The following SPECC1L variants were observed in gnomAD, a reference collection of about 807,000 sequenced individuals.
The protein encoded by SPECC1L is cytospin-A.
A neutral mutation model predicts 116.8 loss-of-function variants in SPECC1L; 40 were observed. The ratio of observed to expected loss-of-function variants is 0.34; its 90% CI spans 0.27 to 0.45. The LOEUF is 0.45. SPECC1L is among the 20% of genes least tolerant of loss of function. SPECC1L has a pLI of 1.00. For synonymous variants in SPECC1L, 504 were observed against 500.6 expected (o/e 1.01, Z -0.09); for missense variants, 1,110 against 1,373.6 (o/e 0.81, Z 3.03).
At position 24,416,518 on chromosome 22, in the gene SPECC1L, T is replaced by G. The variant is rs2042804229; in HGVS notation, c.*1895T>G. ...TACTGTTTTTAAGTGTCTCTCCACT[T>G]AGGTGTCCTCAGTTCCCACTTTTGC... On this transcript the variant is annotated 3_prime_UTR_variant, in exon 17 of 17. Coordinates refer to ENST00000314328, the MANE Select transcript of SPECC1L (RefSeq NM_015330.6). 6.6e-6 allele frequency: 1 copy of G among 152,300 alleles called. No homozygotes were observed. Among genetic ancestry groups the G allele is most frequent in the Non-Finnish European group, 1.5e-5 (1 of 68,062 alleles). The allele number at this position is 152,300 out of a possible 1,614,324, so 9.4% of individuals were successfully genotyped here.
At chr22:24,397,161 T>A (rs1220160395) in intron 14 of SPECC1L, among the ~76,000 whole-genome samples, 1 of 152,152 alleles carries the variant, frequency 6.6e-6, no homozygotes, top group African/African-American at 2.4e-5. Context: ...CTTTTTTAGT[T>A]GTTTTGCCAT....
intron 2 of SPECC1L, among the ~76,000 whole-genome samples, chr22:24,295,606 A>G (rs1268986845): frequency 1.3e-5 from 2 of 152,134 alleles, no homozygotes; most frequent in African/African-American, 4.8e-5. Context: ...GAAAGGTTTT[A>G]TGTTAAATAA....
Position 24,322,475 on chromosome 22 carries a change from G to C in SPECC1L, c.1495G>C (p.Ala499Pro). The change falls in exon 5 of 17, where the codon GCT becomes CCT. Residue 499 changes from alanine to proline, a missense_variant. Ala to Pro is a conservative substitution (Grantham distance 27, BLOSUM62 -1). Around this residue, in one of 4 missense-constraint regions of SPECC1L, gnomAD observed 575 missense variants for 682.4 expected, o/e 0.84. Coordinates refer to ENST00000314328, the MANE Select transcript of SPECC1L (RefSeq NM_015330.6). ...ATTAGAGCAACGTTACATGGACCTC[G>C]CTGAGAATGCCCGTTTTGAACGGGA... ...MELEQRYMDLAENARFEREQL... is the reference protein window; with the variant it reads ...MELEQRYMDLPENARFEREQL... 1 of 1,614,130 alleles carries C rather than the reference G, an allele frequency of 6.2e-7. No individual in the cohort carries two copies.
At position 24,300,442 on chromosome 22, in the gene SPECC1L, C is replaced by T. The variant is rs1398750622; in HGVS notation, c.-37-1753C>T. The stretch of plus-strand genomic sequence containing the variant: ...GTAAACAGTGCTGCAATAAACATAC[C>T]GTGTGCTTGTATCTTTATAGTGGAA... On this transcript the variant is annotated intron_variant, in intron 2 of 16. Transcript: ENST00000314328. Among the ~76,000 whole-genome samples the T allele has an allele frequency of 7.9e-5, 12 of 152,180 alleles. No individual in the cohort carries two copies. The East Asian group carries it at 1.3e-3, about 17-fold the overall frequency.
At chr22:24,315,614 G>T (rs114572093) in intron 4 of SPECC1L, among the ~76,000 whole-genome samples, 2,188 of 152,316 alleles carry the variant, frequency 0.014, 61 homozygotes, top group African/African-American at 0.05. Context: ...GAGATTCCAT[G>T]TGTTTGTATA....
chr22:24,307,106 T>C (rs1194434715), intron 3 of SPECC1L, among the ~76,000 whole-genome samples: 1 of 152,210 alleles, frequency 6.6e-6, no homozygotes, highest in African/African-American at 2.4e-5. Flanking sequence ...AGTGCTGCTA[T>C]GAATATGGGT....
chr22:24,283,240 G>A (rs1255570453), intron 2 of SPECC1L, among the ~76,000 whole-genome samples: 12 of 151,784 alleles, frequency 7.9e-5, no homozygotes, highest in Non-Finnish European at 5.9e-5. Context: ...CACCATGCCC[G>A]GCTAATTTTT....
chr22:24,349,293 T>C (rs149358973), intron 11 of SPECC1L, among the ~76,000 whole-genome samples: 22,175 of 152,112 alleles, frequency 0.15, 3,986 homozygotes, highest in African/African-American at 0.42. Context: ...CTGCCAGCCT[T>C]GGCCTCCCAA....
chr22:24,316,274 T>TA (rs2040561556), intron 4 of SPECC1L, among the ~76,000 whole-genome samples: 2 of 149,228 alleles, frequency 1.3e-5, no homozygotes, highest in African/African-American at 2.5e-5. Context: ...CAGATTTTCT[T>TA]TTTATTTATT....
chr22:24,282,267 A>C (rs2048958551), intron 2 of SPECC1L, among the ~76,000 whole-genome samples: 1 of 152,202 alleles, frequency 6.6e-6, no homozygotes, highest in Non-Finnish European at 1.5e-5. Context: ...CCTAAACCAT[A>C]ATTTCTAATC....
chr22:24,360,430 AAAGT>A (rs979413845), intron 11 of SPECC1L, among the ~76,000 whole-genome samples: 6 of 152,198 alleles, frequency 3.9e-5, no homozygotes, highest in African/African-American at 1.2e-4. Flanking sequence ...GTATTTTCAG[AAAGT>A]AAGTGTGAGG....
Position 24,322,291 on chromosome 22 carries a change from G to T in SPECC1L, c.1311G>T (p.Arg437Ser), listed in dbSNP as rs2146480082. 1 of 1,614,244 alleles carries T rather than the reference G, an allele frequency of 6.2e-7. No homozygotes were observed. Among genetic ancestry groups the T allele is most frequent in the Non-Finnish European group, 8.5e-7 (1 of 1,180,040 alleles). Residue 437 changes from arginine (R) to serine (S), a missense_variant, in exon 5 of 17, where the codon AGG (arginine) becomes AGT (serine). Physicochemically the swap from Arg to Ser is moderately radical, Grantham distance 110. Coordinates refer to ENST00000314328, the MANE Select transcript of SPECC1L (RefSeq NM_015330.6). ...ITQELNSENE[R>S]LGEEKVILME... Reference sequence around the variant, plus strand: ...AGGAACTGAATAGTGAAAACGAAAGGCTTGGAGAAGAGAAGGTTATTCTGA... The same window carrying T: ...AGGAACTGAATAGTGAAAACGAAAGTCTTGGAGAAGAGAAGGTTATTCTGA...
chr22:24,332,053 C>G (rs942753507), intron 8 of SPECC1L, among the ~76,000 whole-genome samples: 4 of 152,120 alleles, frequency 2.6e-5, no homozygotes, highest in Non-Finnish European at 5.9e-5. Flanking sequence ...TTTCTTTTTT[C>G]ATGGAATGCC....
intron 2 of SPECC1L, among the ~76,000 whole-genome samples, chr22:24,295,907 C>T (rs1233053561): frequency 6.6e-6 from 1 of 152,094 alleles, no homozygotes; most frequent in Non-Finnish European, 1.5e-5. Context: ...AAGGTCGTGC[C>T]GTCGCACTCC....
intron 3 of SPECC1L, among the ~76,000 whole-genome samples, chr22:24,304,638 T>C (rs2049452932): frequency 6.6e-6 from 1 of 152,232 alleles, no homozygotes; most frequent in Non-Finnish European, 1.5e-5. Flanking sequence ...ATTAGTTCTT[T>C]TGAAGTAATA....
intron 5 of SPECC1L, among the ~76,000 whole-genome samples, chr22:24,323,375 A>G (rs1228565637): frequency 1.3e-5 from 2 of 152,218 alleles, no homozygotes; most frequent in African/African-American, 2.4e-5. Flanking sequence ...TAGTTAAAAA[A>G]TATTTTTGGC....
chr22:24,360,665 C>T (rs2041625852), intron 11 of SPECC1L, among the ~76,000 whole-genome samples: 1 of 152,146 alleles, frequency 6.6e-6, no homozygotes, highest in African/African-American at 2.4e-5. Context: ...GTGTCCATAG[C>T]AAGCACCTTG....
intron 4 of SPECC1L, among the ~76,000 whole-genome samples, chr22:24,320,678 A>C (rs1245899414): frequency 6.6e-6 from 1 of 152,216 alleles, no homozygotes; most frequent in Non-Finnish European, 1.5e-5. Context: ...GTATTTGTAT[A>C]ACCAAGTGCT....
At chr22:24,287,552 G>A (rs998546732) in intron 2 of SPECC1L, among the ~76,000 whole-genome samples, 7 of 152,182 alleles carry the variant, frequency 4.6e-5, no homozygotes, top group Non-Finnish European at 7.3e-5. Flanking sequence ...CGTCTTGACC[G>A]TTTAAAAATG....
Sources: gnomAD v4.1 joint callset for allele counts (sites outside exome capture counted in the v4.1 genomes callset) on GRCh38, gnomAD v4.1.1 for gene constraint, gnomAD v4.1.1 regional missense constraint, MANE v1.5 for transcripts, NCBI Gene and HGNC (gene_info 2026-07-23, HGNC 2026-07-21) for gene names.